Variants in RCL1 observed in about 807,000 individuals in gnomAD.
RCL1 encodes the protein RNA 3'-terminal phosphate cyclase-like protein.
Under a neutral mutation model 42.4 loss-of-function variants are expected in RCL1, and 24 were observed. The ratio of observed to expected loss-of-function variants is 0.57; its 90% CI spans 0.41 to 0.80. The LOEUF is 0.80. Ranked by LOEUF, RCL1 falls within the 30% of genes least tolerant of loss-of-function variation. RCL1 has a pLI of 0.00. For synonymous variants in RCL1, 228 were observed against 177.3 expected (o/e 1.29, Z -2.27); for missense variants, 578 against 467.9 (o/e 1.24, Z -2.17).
chr9:4,797,088 T>G (rs970162005), intron 1 of RCL1, among the ~76,000 whole-genome samples: 2 of 152,184 alleles, frequency 1.3e-5, no homozygotes, highest in African/African-American at 4.8e-5. Flanking sequence ...TGAGTACGAG[T>G]TCTGCCTTTC....
intron 4 of RCL1, 58 bp downstream of exon 4, chr9:4,833,286 T>C: frequency 7.1e-6 from 9 of 1,274,568 alleles, no homozygotes; most frequent in Middle Eastern, 3.7e-4. Context: ...TCCCACTGAC[T>C]CATTGGAAGA....
chr9:4,848,528 T>TCTA (rs1348552827), intron 7 of RCL1, among the ~76,000 whole-genome samples: 16 of 152,360 alleles, frequency 1.1e-4, no homozygotes, highest in African/African-American at 3.6e-4. Context: ...GATAGTAACG[T>TCTA]GCCTTGGTCA....
chr9:4,830,941 T>C (rs1816923637), intron 3 of RCL1, among the ~76,000 whole-genome samples: 1 of 152,224 alleles, frequency 6.6e-6, no homozygotes, highest in Admixed American at 6.5e-5. Context: ...TCACTTTCCC[T>C]TAAGCAGAAC....
At chr9:4,827,435 C>A (rs1816799627) in intron 3 of RCL1, 1 of 451,126 alleles carries the variant, frequency 2.2e-6, no homozygotes, top group South Asian at 2.7e-5. Flanking sequence ...GGCATTGTTA[C>A]AGCGTAATCT....
At chr9:4,843,884 G>T (rs1408190707) in intron 6 of RCL1, among the ~76,000 whole-genome samples, 2 of 152,198 alleles carry the variant, frequency 1.3e-5, no homozygotes, top group Non-Finnish European at 2.9e-5. Flanking sequence ...CATGATGATA[G>T]GTGGATAGCA....
intron 5 of RCL1, among the ~76,000 whole-genome samples, 198 bp from the exon 6 acceptor site, chr9:4,841,034 T>A (rs573942314): frequency 6.6e-6 from 1 of 152,244 alleles, no homozygotes; most frequent in South Asian, 2.1e-4. Flanking sequence ...CTCTATTGTT[T>A]GGGTGTTTTT....
chr9:4,796,688 C>T (rs1293785406), intron 1 of RCL1, among the ~76,000 whole-genome samples: 1 of 152,186 alleles, frequency 6.6e-6, no homozygotes, highest in Admixed American at 6.5e-5. Flanking sequence ...GCATGAATAA[C>T]CATGCCCAGC....
At chr9:4,800,840 G>C (rs1406199879) in intron 1 of RCL1, among the ~76,000 whole-genome samples, 2 of 151,930 alleles carry the variant, frequency 1.3e-5, no homozygotes, top group East Asian at 3.9e-4. Flanking sequence ...TTTTGGTAGA[G>C]ACGGGGTTTC....
intron 1 of RCL1, among the ~76,000 whole-genome samples, chr9:4,813,360 A>G (rs1003034252): frequency 6.6e-6 from 1 of 152,236 alleles, no homozygotes; most frequent in Non-Finnish European, 1.5e-5. Context: ...AAACAACCCC[A>G]TCAAAAAGTG....
intron 6 of RCL1, 29 bp downstream of exon 6, chr9:4,841,386 T>G (rs373321527): frequency 6.3e-7 from 1 of 1,584,050 alleles, no homozygotes. Flanking sequence ...GAAGTCTGTT[T>G]CTGCAGCTTT....
intron 3 of RCL1, among the ~76,000 whole-genome samples, chr9:4,828,002 C>T (rs368321438): frequency 6.6e-6 from 1 of 151,762 alleles, no homozygotes; most frequent in Admixed American, 6.6e-5. Flanking sequence ...CTGGCTAACA[C>T]AGTGAAACCC....
chr9:4,799,154 C>G (rs1842959702), intron 1 of RCL1, among the ~76,000 whole-genome samples: 1 of 143,424 alleles, frequency 7.0e-6, no homozygotes, highest in Non-Finnish European at 1.5e-5. Flanking sequence ...TCTTCTTTTT[C>G]TTAGAGATGG....
chr9:4,804,669 C>T (rs554822249), intron 1 of RCL1: 1 of 161,310 alleles, frequency 6.2e-6, no homozygotes, highest in East Asian at 1.9e-4. Context: ...CCCGATGCCC[C>T]TGGCCTGCAT....
rs185698786 is a variant in RCL1 at position 4,804,542 on chromosome 9, G to A, written c.136+11315G>A. On this transcript the variant is annotated intron_variant, in intron 1 of 8. Transcript: ENST00000381750. ...AAGTTCTGGGCGCGGGAGCCCTGCC[G>A]TCCAGTCGCCCAGGGGTCTCACGCT... 1,194 of 152,616 alleles carry A rather than the reference G, an allele frequency of 7.8e-3. 16 individuals carry two copies. The highest frequency in any genetic ancestry group is 0.013 in the Non-Finnish European group (881 of 68,200). The allele number at this position is 152,616 out of a possible 1,614,324, so 9.5% of individuals were successfully genotyped here. A position where few individuals can be genotyped will look rare whatever the true frequency, so the allele number is the denominator to read the frequency against.
At chr9:4,809,395 C>T (rs140152132) in intron 1 of RCL1, among the ~76,000 whole-genome samples, 7 of 152,088 alleles carry the variant, frequency 4.6e-5, no homozygotes, top group East Asian at 3.9e-4. Context: ...CTGCAACCTC[C>T]GCCTCCTGGA....
chr9:4,835,219 C>G (rs10217439), intron 5 of RCL1, among the ~76,000 whole-genome samples: 1 of 152,018 alleles, frequency 6.6e-6, no homozygotes, highest in East Asian at 1.9e-4. Flanking sequence ...CTATGCAGAA[C>G]GCAAAGAAAG....
chr9:4,802,793 T>G (rs985449862), intron 1 of RCL1, among the ~76,000 whole-genome samples: 1 of 152,178 alleles, frequency 6.6e-6, no homozygotes, highest in African/African-American at 2.4e-5. Flanking sequence ...CCACAGTGCA[T>G]AACAAACTAC....
chr9:4,829,554 T>G (rs901241079), intron 3 of RCL1, among the ~76,000 whole-genome samples: 3 of 152,336 alleles, frequency 2.0e-5, no homozygotes, highest in African/African-American at 7.2e-5. Context: ...AATTATTGTC[T>G]GGAGCCTCAG....
rs745512074 is a variant in RCL1, at chr9:4,823,573, A to G, written c.162A>G (p.Leu54=). Residue 54 remains leucine, a synonymous_variant, in exon 2 of 9, where the codon CTA becomes CTG. Transcript: ENST00000381750. The stretch of plus-strand genomic sequence containing the variant: ...ATTTTGAAGCCAGCTTCATAAGGCT[A>G]TTGGACAAAATAACGAATGGTTCTC... ...LRDFEASFIR[L]LDKITNGSRI... 8.7e-6 allele frequency: 14 copies of G among 1,611,876 alleles called. No individual in the cohort carries two copies. The highest frequency in any genetic ancestry group is 8.4e-5 in the Admixed American group (5 of 59,640).
Sources: allele counts gnomAD v4.1 joint callset (sites outside exome capture counted in the v4.1 genomes callset), GRCh38; gene constraint gnomAD v4.1.1; transcripts MANE v1.5; gene names NCBI Gene and HGNC (gene_info 2026-07-23, HGNC 2026-07-21).